CAMK2A: variants seen among roughly 807,000 people sequenced by gnomAD.
CAMK2A encodes calcium/calmodulin dependent protein kinase II alpha, also known as calcium/calmodulin-dependent protein kinase type II subunit alpha.
A neutral mutation model predicts 79.2 loss-of-function variants in CAMK2A; 7 were observed. The observed-to-expected ratio is 0.09, with a 90% confidence interval of 0.05 to 0.17. CAMK2A has a LOEUF of 0.17. CAMK2A is among the 10% of genes least tolerant of loss of function. The probability of loss-of-function intolerance (pLI) is 1.00; values close to 1 mark genes in which losing one functional copy is unlikely to be tolerated. For missense variants in CAMK2A, 214 were observed against 646.4 expected (o/e 0.33, Z 7.25); for synonymous variants, 242 against 251.7 (o/e 0.96, Z 0.36).
At chr5:150,258,867 G>A (rs1461365516) in intron 3 of CAMK2A, among the ~76,000 whole-genome samples, 1 of 152,224 alleles carries the variant, frequency 6.6e-6, no homozygotes, top group African/African-American at 2.4e-5. Flanking sequence ...GAGATGGAGA[G>A]GGAAGGGGCA....
At chr5:150,289,884 C>A, upstream of CAMK2A, 2 of 522,588 alleles carry the variant, frequency 3.8e-6, no homozygotes, top group Non-Finnish European at 6.9e-6. Flanking sequence ...AACTGCCTCC[C>A]CAACACCTGC....
chr5:150,247,385 G>C (rs145580713), intron 12 of CAMK2A, among the ~76,000 whole-genome samples: 10 of 152,324 alleles, frequency 6.6e-5, no homozygotes, highest in African/African-American at 2.2e-4. Flanking sequence ...GTGGAAGCAC[G>C]GGACTGCTTA....
At chr5:150,243,867 C>T (rs1054284101) in intron 13 of CAMK2A, among the ~76,000 whole-genome samples, 1 of 152,178 alleles carries the variant, frequency 6.6e-6, no homozygotes, top group Non-Finnish European at 1.5e-5. Flanking sequence ...GGGCTCTCTT[C>T]ACCATGATCA....
At position 150,284,625 on chromosome 5, in the gene CAMK2A, G is replaced by C. The variant is rs1757349316; in HGVS notation, c.62+4939C>G. Among the ~76,000 whole-genome samples the C allele has an allele frequency of 6.6e-6, 1 of 152,196 alleles. No homozygotes were observed. Among genetic ancestry groups the C allele is most frequent in the Admixed American group, 6.5e-5 (1 of 15,288 alleles). On this transcript the variant is annotated intron_variant, in intron 1 of 18. Transcript: ENST00000671881. This position sits in a 1 kb window ranked among gnomAD's most constrained non-coding sequence, Gnocchi z 5.3. ...GCGTGCCTGCCGCTCTGATGGCTTG[G>C]AGGAGAGGGAGGAAAGCTCGTCCCT... is the stretch of plus-strand genomic sequence containing the variant.
rs148045126 is a variant in CAMK2A, at chr5:150,267,372, A to T, written c.158-2357T>A. Among the ~76,000 whole-genome samples, 15 of 152,352 alleles carry T rather than the reference A, an allele frequency of 9.8e-5. No individual in the cohort carries two copies. The East Asian group carries it at 2.9e-3, about 29-fold the overall frequency. On this transcript the variant is annotated intron_variant, in intron 2 of 18. Coordinates refer to ENST00000671881, the MANE Select transcript of CAMK2A (RefSeq NM_015981.4). ...TCTGGCTTAGGCTATACATTCAGGAAGCAGAAGCCCCAAATCCAGAATGTT... is the reference window on the plus strand; with the variant it reads ...TCTGGCTTAGGCTATACATTCAGGATGCAGAAGCCCCAAATCCAGAATGTT...
At position 150,288,952 on chromosome 5, in the gene CAMK2A, T is replaced by C. The variant is rs117122564; in HGVS notation, c.62+612A>G. 2.7e-4 allele frequency among the ~76,000 whole-genome samples: 41 copies of C among 152,210 alleles called. 1 individual carries two copies. The East Asian group carries it at 6.4e-3, about 24-fold the overall frequency. ...CCCCGCTACAGCTTTCCTGATTTCC[T>C]CTCCCCACCTCCCAACACCCGGGAA... On this transcript the variant is annotated intron_variant, in intron 1 of 18. Coordinates refer to ENST00000671881, the MANE Select transcript of CAMK2A (RefSeq NM_015981.4).
intron 12 of CAMK2A, among the ~76,000 whole-genome samples, chr5:150,246,501 G>A (rs1406107535): frequency 6.6e-6 from 1 of 152,258 alleles, no homozygotes; most frequent in East Asian, 1.9e-4. Flanking sequence ...TAATTTTTAA[G>A]TGTTAGAAAC....
chr5:150,263,231 A>G (rs1477818831), intron 3 of CAMK2A, among the ~76,000 whole-genome samples: 10 of 152,314 alleles, frequency 6.6e-5, no homozygotes, highest in Admixed American at 3.3e-4. Context: ...CTCCAAAGCC[A>G]TAACCTCCTG....
chr5:150,255,400 A>C (rs1174637554), intron 6 of CAMK2A, among the ~76,000 whole-genome samples: 1 of 152,258 alleles, frequency 6.6e-6, no homozygotes, highest in East Asian at 1.9e-4. Context: ...GACCCAGACC[A>C]GTGGAAGCAT....
intron 6 of CAMK2A, among the ~76,000 whole-genome samples, chr5:150,254,484 A>G (rs1053717515): frequency 2.6e-5 from 4 of 152,204 alleles, no homozygotes; most frequent in South Asian, 2.1e-4. Context: ...GTCTGACTCT[A>G]TCTTAACTGC....
chr5:150,267,589 A>C (rs993631879), intron 2 of CAMK2A, among the ~76,000 whole-genome samples: 1 of 152,226 alleles, frequency 6.6e-6, no homozygotes, highest in African/African-American at 2.4e-5. Context: ...CACTGTTGAA[A>C]GCATTCATCC....
At position 150,219,706 on chromosome 5, in the gene CAMK2A, T is replaced by A. The variant is rs972278721; in HGVS notation, c.*3004A>T. On this transcript the variant is annotated 3_prime_UTR_variant, in exon 19 of 19. Coordinates refer to ENST00000671881, the MANE Select transcript of CAMK2A (RefSeq NM_015981.4). Reference sequence around the variant, plus strand: ...AACAAAGAAACCAGCACGGGGAGTCTGGCAAACTCATCCCCCAAAAGGGTC... The same window carrying A: ...AACAAAGAAACCAGCACGGGGAGTCAGGCAAACTCATCCCCCAAAAGGGTC... The A allele has an allele frequency of 5.3e-5, 8 of 151,404 alleles. No homozygotes were observed. Among genetic ancestry groups the A allele is most frequent in the African/African-American group, 1.9e-4 (8 of 41,078 alleles). The allele number at this position is 151,404 out of a possible 1,614,324, so 9.4% of individuals were successfully genotyped here. A position where few individuals can be genotyped will look rare whatever the true frequency, so the allele number is the denominator to read the frequency against.
chr5:150,224,731 G>A (rs373832854), intron 17 of CAMK2A, among the ~76,000 whole-genome samples: 3 of 152,024 alleles, frequency 2.0e-5, no homozygotes, highest in Non-Finnish European at 4.4e-5. Flanking sequence ...CTCTATAAGC[G>A]TCCCTGACAG....
At chr5:150,262,570 T>C (rs1310874987) in intron 3 of CAMK2A, among the ~76,000 whole-genome samples, 1 of 152,078 alleles carries the variant, frequency 6.6e-6, no homozygotes, top group Non-Finnish European at 1.5e-5. Context: ...TCTCAGTGCC[T>C]AGCAGAGACC....
intron 3 of CAMK2A, among the ~76,000 whole-genome samples, chr5:150,259,066 G>T (rs1414726531): frequency 1.3e-5 from 2 of 151,972 alleles, no homozygotes; most frequent in Admixed American, 6.6e-5. Context: ...TATAATCCCA[G>T]CTACTCCAGA....
At chr5:150,282,350 G>GT (rs1464956207) in intron 1 of CAMK2A, among the ~76,000 whole-genome samples, 1 of 152,090 alleles carries the variant, frequency 6.6e-6, no homozygotes, top group Non-Finnish European at 1.5e-5. Flanking sequence ...CTGTGCAAGG[G>GT]TTTTTTTGTA....
At chr5:150,276,001 C>T (rs914135592) in intron 1 of CAMK2A, among the ~76,000 whole-genome samples, 1 of 152,326 alleles carries the variant, frequency 6.6e-6, no homozygotes, top group South Asian at 2.1e-4. Context: ...AGCTCCCATA[C>T]AGGCACCCAC....
chr5:150,268,277 C>T (rs554901655), intron 2 of CAMK2A, among the ~76,000 whole-genome samples: 6 of 152,246 alleles, frequency 3.9e-5, no homozygotes, highest in East Asian at 1.9e-4. Context: ...TCACTGGGTC[C>T]GGCCTCACCT....
intron 1 of CAMK2A, among the ~76,000 whole-genome samples, chr5:150,273,757 C>T (rs1329420619): frequency 1.3e-5 from 2 of 152,172 alleles, no homozygotes; most frequent in African/African-American, 4.8e-5. Context: ...CATAAGAGTT[C>T]CTTGTTACTT....
Sources: gnomAD v4.1 joint callset for allele counts (sites outside exome capture counted in the v4.1 genomes callset) on GRCh38, gnomAD v4.1.1 for gene constraint, Gnocchi (gnomAD v3.1) non-coding constraint, MANE v1.5 for transcripts, NCBI Gene and HGNC (gene_info 2026-07-23, HGNC 2026-07-21) for gene names.